CCSER1: variants seen among roughly 807,000 people sequenced by gnomAD.
CCSER1 encodes serine-rich coiled-coil domain-containing protein 1.
A neutral mutation model predicts 82.0 loss-of-function variants in CCSER1; 41 were observed. The observed-to-expected ratio is 0.50, with a 90% CI of 0.39 to 0.65. The LOEUF (loss-of-function observed/expected upper bound fraction) is 0.65, where lower values mean the gene tolerates loss of function less well. Among genes scored for constraint, CCSER1 ranks in the 30% least tolerant of loss-of-function variants. The pLI, the probability that CCSER1 is intolerant of heterozygous loss-of-function variation, is 0.00. For missense variants in CCSER1, 1,119 were observed against 1,064.2 expected (o/e 1.05, Z -0.72); for synonymous variants, 414 against 383.9 (o/e 1.08, Z -0.92).
At chr4:91,317,769 A>T (rs1745933785) in intron 10 of CCSER1, among the ~76,000 whole-genome samples, 1 of 151,968 alleles carries the variant, frequency 6.6e-6, no homozygotes, top group African/African-American at 2.4e-5. Flanking sequence ...ACTTGACACG[A>T]TGCTTTCCCA....
At chr4:90,315,077 T>C (rs1735945823) in intron 3 of CCSER1, among the ~76,000 whole-genome samples, 1 of 151,970 alleles carries the variant, frequency 6.6e-6, no homozygotes, top group Admixed American at 6.5e-5. Flanking sequence ...GAACTCCTCC[T>C]GACCTCAAGT....
At chr4:91,257,281 CAAAGT>C (rs1222487599) in intron 10 of CCSER1, among the ~76,000 whole-genome samples, 5 of 151,898 alleles carry the variant, frequency 3.3e-5, no homozygotes, top group African/African-American at 1.2e-4. Context: ...AGTCCACTAA[CAAAGT>C]AAAGTTCACA....
At chr4:91,072,280 A>G (rs1328423575) in intron 9 of CCSER1, among the ~76,000 whole-genome samples, 1 of 152,198 alleles carries the variant, frequency 6.6e-6, no homozygotes, top group Non-Finnish European at 1.5e-5. Flanking sequence ...CCCATACAGT[A>G]ACATTAATTT....
intron 5 of CCSER1, among the ~76,000 whole-genome samples, chr4:90,480,277 G>A (rs1236668371): frequency 6.6e-6 from 1 of 151,916 alleles, no homozygotes; most frequent in Non-Finnish European, 1.5e-5. Context: ...CTGGATATTA[G>A]CCCTTTGTCA....
chr4:90,483,144 C>T (rs577776699), intron 5 of CCSER1, among the ~76,000 whole-genome samples: 3 of 152,114 alleles, frequency 2.0e-5, no homozygotes, highest in Admixed American at 1.3e-4. Flanking sequence ...CTTTGTCTCT[C>T]TTGATCTTTG....
At chr4:91,358,643 G>A (rs72880824) in intron 10 of CCSER1, among the ~76,000 whole-genome samples, 49,196 of 152,004 alleles carry the variant, frequency 0.32, 8,832 homozygotes, top group African/African-American at 0.46. Context: ...ATCAGGCCAC[G>A]CTTCCACTCA....
intron 1 of CCSER1, among the ~76,000 whole-genome samples, chr4:90,268,753 T>C (rs577670288): frequency 6.6e-6 from 1 of 152,052 alleles, no homozygotes; most frequent in East Asian, 1.9e-4. Context: ...AAAACAGAGT[T>C]GGTCAATGAA....
intron 1 of CCSER1, among the ~76,000 whole-genome samples, chr4:90,158,908 C>G (rs1300020186): frequency 6.6e-6 from 1 of 152,134 alleles, no homozygotes; most frequent in Non-Finnish European, 1.5e-5. Flanking sequence ...CTATCTGGCA[C>G]TCCGCAGTGA....
At chr4:90,276,410 G>T (rs1267476894) in intron 1 of CCSER1, among the ~76,000 whole-genome samples, 2 of 145,348 alleles carry the variant, frequency 1.4e-5, no homozygotes, top group African/African-American at 2.6e-5. Flanking sequence ...GCAGTGGCAC[G>T]ATCTCTGCTC....
chr4:90,457,276 G>T (rs557469253), intron 4 of CCSER1, among the ~76,000 whole-genome samples: 1 of 152,256 alleles, frequency 6.6e-6, no homozygotes, highest in Admixed American at 6.5e-5. Context: ...CTGGCTCAGG[G>T]AACTCTTAGA....
At chr4:90,198,426 A>C (rs1413217371) in intron 1 of CCSER1, among the ~76,000 whole-genome samples, 3 of 152,184 alleles carry the variant, frequency 2.0e-5, no homozygotes, top group Admixed American at 6.6e-5. Flanking sequence ...TTCTTATATC[A>C]CAATATCACA....
At chr4:91,125,711 A>T (rs1433014447) in intron 10 of CCSER1, among the ~76,000 whole-genome samples, 2 of 151,812 alleles carry the variant, frequency 1.3e-5, no homozygotes, top group Non-Finnish European at 1.5e-5. Flanking sequence ...GAAAATAGAT[A>T]TGAAGTAGAA....
chr4:90,480,809 C>A (rs1259963553), intron 5 of CCSER1, among the ~76,000 whole-genome samples: 1 of 152,092 alleles, frequency 6.6e-6, no homozygotes, highest in Non-Finnish European at 1.5e-5. Context: ...AGTCAGGTAG[C>A]ATGATGCCTC....
At chr4:91,542,749 G>A (rs1473074616) in intron 10 of CCSER1, among the ~76,000 whole-genome samples, 1 of 152,198 alleles carries the variant, frequency 6.6e-6, no homozygotes. Context: ...GAATAAGTGT[G>A]ATGTGGTGCT....
intron 8 of CCSER1, among the ~76,000 whole-genome samples, chr4:90,816,983 T>G (rs1759104363): frequency 6.6e-6 from 1 of 152,206 alleles, no homozygotes; most frequent in African/African-American, 2.4e-5. Context: ...TTTAGAAGAC[T>G]TATAAACTAG....
intron 5 of CCSER1, among the ~76,000 whole-genome samples, chr4:90,536,764 T>A (rs1249941791): frequency 6.6e-6 from 1 of 152,224 alleles, no homozygotes; most frequent in Non-Finnish European, 1.5e-5. Flanking sequence ...TTTTCACCAT[T>A]GTTTCTTTTT....
chr4:91,424,175 C>T (rs1339227655), intron 10 of CCSER1, among the ~76,000 whole-genome samples: 1 of 150,994 alleles, frequency 6.6e-6, no homozygotes, highest in Non-Finnish European at 1.5e-5. Context: ...CGCCACCGCG[C>T]CCGGCTAATT....
chr4:90,285,251 C>A (rs1448028924), intron 1 of CCSER1, among the ~76,000 whole-genome samples: 1 of 152,002 alleles, frequency 6.6e-6, no homozygotes, highest in African/African-American at 2.4e-5. Flanking sequence ...GGCATTTTAA[C>A]AATATTGATT....
At chr4:90,911,654 C>T (rs899020343) in intron 8 of CCSER1, among the ~76,000 whole-genome samples, 3 of 152,094 alleles carry the variant, frequency 2.0e-5, no homozygotes, top group Non-Finnish European at 4.4e-5. Flanking sequence ...GTGTAGCGCA[C>T]CAAGCATGAG....
Sources: gnomAD v4.1 joint callset for allele counts (sites outside exome capture counted in the v4.1 genomes callset) on GRCh38, gnomAD v4.1.1 for gene constraint, MANE v1.5 for transcripts, NCBI Gene and HGNC (gene_info 2026-07-23, HGNC 2026-07-21) for gene names.